The following MTAP variants were observed in gnomAD, a reference collection of about 807,000 sequenced individuals.
The protein encoded by MTAP is methylthioadenosine phosphorylase.
A neutral mutation model predicts 33.6 loss-of-function variants in MTAP; 33 were observed. That is an observed-to-expected ratio of 0.98 (90% confidence interval 0.74 to 1.31). The LOEUF is 1.31. Among genes scored for constraint, MTAP ranks in the 40% most tolerant of loss-of-function variants. The pLI is 0.00. For synonymous variants in MTAP, 148 were observed against 125.7 expected (o/e 1.18, Z -1.19); for missense variants, 367 against 360.0 (o/e 1.02, Z -0.16).
At chr9:21,906,649 A>T (rs1455464288) in intron 1 of MTAP, among the ~76,000 whole-genome samples, 4 of 152,242 alleles carry the variant, frequency 2.6e-5, no homozygotes, top group Admixed American at 2.6e-4. Flanking sequence ...AGAAACACTT[A>T]AATACTTAGA....
Position 21,863,244 on chromosome 9 carries a change from G to A in MTAP, c.*1230G>A. 9.2e-6 allele frequency: 9 copies of A among 973,582 alleles called. No homozygotes were observed. Among genetic ancestry groups the A allele is most frequent in the Non-Finnish European group, 1.1e-5 (9 of 819,222 alleles). 60.3% of individuals were successfully genotyped at this position (973,582 alleles called of 1,614,324 possible). ...TGAGTTAAATTATTTTATACGAGTTGGTAATTTTTGCTTTTTAATAAAGTG... is the reference window on the plus strand; with the variant it reads ...TGAGTTAAATTATTTTATACGAGTTAGTAATTTTTGCTTTTTAATAAAGTG... On this transcript the variant is annotated 3_prime_UTR_variant, in exon 8 of 8. Transcript: ENST00000644715.
At chr9:21,925,832 T>A (rs1274159573) in intron 1 of MTAP, among the ~76,000 whole-genome samples, 1 of 152,334 alleles carries the variant, frequency 6.6e-6, no homozygotes, top group Non-Finnish European at 1.5e-5. Flanking sequence ...GGTAGGACTA[T>A]AAGTTTTCTT....
At chr9:21,926,456 G>C (rs531087423) in intron 1 of MTAP, among the ~76,000 whole-genome samples, 75 of 152,174 alleles carry the variant, frequency 4.9e-4, no homozygotes, top group Non-Finnish European at 9.3e-4. Context: ...TCTAGGAGAA[G>C]TACCCCCAGA....
chr9:21,865,321 G>T lies in MTAP; in HGVS notation c.*3307G>T, dbSNP rs41270139. 3.6e-3 allele frequency: 2,107 copies of T among 592,866 alleles called. 8 individuals carry two copies. The highest frequency in any genetic ancestry group is 4.2e-3 in the Admixed American group (66 of 15,818). The allele number at this position is 592,866 out of a possible 1,614,324, so 36.7% of individuals were successfully genotyped here. A position where few individuals can be genotyped will look rare whatever the true frequency, so the allele number is the denominator to read the frequency against. On this transcript the variant is annotated 3_prime_UTR_variant, in exon 8 of 8. Coordinates refer to ENST00000644715, the MANE Select transcript of MTAP (RefSeq NM_002451.4). The stretch of plus-strand genomic sequence containing the variant: ...ACGTGTTTGTTTCCCCTTCTGCCAC[G>T]ATTGTAAGTTTCCTGAGGCCTTCCC...
intron 1 of MTAP, among the ~76,000 whole-genome samples, chr9:21,905,980 G>A (rs1818471026): frequency 6.6e-6 from 1 of 152,152 alleles, no homozygotes; most frequent in Non-Finnish European, 1.5e-5. Context: ...CATGGTATGA[G>A]TACCTTCAAG....
At chr9:21,861,882 T>G in intron 7 of MTAP, 94 bp from the exon 8 acceptor site, 1 of 851,902 alleles carries the variant, frequency 1.2e-6, no homozygotes, top group Non-Finnish European at 2.0e-6. Context: ...GTCCTCACTT[T>G]GATCTAGAAA....
intron 1 of MTAP, among the ~76,000 whole-genome samples, chr9:21,807,691 G>A (rs1468753742): frequency 1.3e-5 from 2 of 152,158 alleles, no homozygotes; most frequent in African/African-American, 4.8e-5. Flanking sequence ...GCTGAAGAGA[G>A]GTAGGAGCAG....
intron 1 of MTAP, among the ~76,000 whole-genome samples, chr9:21,923,864 A>G (rs548077365): frequency 6.6e-6 from 1 of 152,198 alleles, no homozygotes; most frequent in Non-Finnish European, 1.5e-5. Flanking sequence ...AAGAGTCACT[A>G]TAAGATCATG....
intron 1 of MTAP, among the ~76,000 whole-genome samples, chr9:21,917,875 T>A (rs1213659652): frequency 1.3e-5 from 2 of 152,162 alleles, no homozygotes; most frequent in Admixed American, 6.5e-5. Context: ...AAAAATATGG[T>A]ATATATGTAT....
chr9:21,807,930 T>C (rs1824248470), intron 1 of MTAP, among the ~76,000 whole-genome samples: 1 of 152,242 alleles, frequency 6.6e-6, no homozygotes, highest in African/African-American at 2.4e-5. Context: ...AATGTTTGTA[T>C]GCAGTGGATT....
rs551764927 is a variant in MTAP, at chr9:21,846,777, A to G, written c.451-7854A>G. On this transcript the variant is annotated intron_variant, in intron 5 of 7. Coordinates refer to ENST00000644715, the MANE Select transcript of MTAP (RefSeq NM_002451.4). Reference sequence around the variant, plus strand: ...GTCATTATATGAAAAAGACACTTGCACATGCATGTTTATAGCAGCACAACT... The same window carrying G: ...GTCATTATATGAAAAAGACACTTGCGCATGCATGTTTATAGCAGCACAACT... Among the ~76,000 whole-genome samples, 6 of 152,342 alleles carry G rather than the reference A, an allele frequency of 3.9e-5. No homozygotes were observed. The East Asian group carries it at 1.2e-3, about 29-fold the overall frequency.
chr9:21,933,468 G>T (rs1334574012), downstream of MTAP: 1 of 152,160 alleles, frequency 6.6e-6, no homozygotes, highest in Non-Finnish European at 1.5e-5. Flanking sequence ...CTGCCATTAA[G>T]ATCTACATTT....
At chr9:21,883,063 A>G (rs1818041302) in intron 1 of MTAP, among the ~76,000 whole-genome samples, 1 of 151,956 alleles carries the variant, frequency 6.6e-6, no homozygotes, top group Non-Finnish European at 1.5e-5. Flanking sequence ...AGTAGAAAAC[A>G]AGGAGGATAC....
rs138309934 is a variant in MTAP, at chr9:21,841,119, C to T, written c.450+3109C>T. 3.7e-3 allele frequency among the ~76,000 whole-genome samples: 563 copies of T among 152,274 alleles called. 6 individuals are homozygous for T. Among genetic ancestry groups the T allele is most frequent in the African/African-American group, 0.013 (538 of 41,550 alleles). ...AGCCCTGCCCAAGAAGAGTCTGAGC[C>T]CAGAACCACCTAACCCTGCCCCAAC... On this transcript the variant is annotated intron_variant, in intron 5 of 7. Transcript: ENST00000644715.
chr9:21,815,400 T>A, intron 1 of MTAP, 33 bp from the exon 2 acceptor site: 1 of 1,404,048 alleles, frequency 7.1e-7, no homozygotes, highest in East Asian at 2.3e-5. Context: ...AATTACCAAA[T>A]ACAATAATCT....
intron 1 of MTAP, among the ~76,000 whole-genome samples, chr9:21,890,475 T>A (rs367715266): frequency 5.3e-5 from 8 of 152,178 alleles, no homozygotes; most frequent in African/African-American, 1.9e-4. Context: ...CCAGGAAAGT[T>A]CATGATTGGT....
chr9:21,819,368 C>G (rs1824571530), intron 4 of MTAP, among the ~76,000 whole-genome samples: 1 of 152,140 alleles, frequency 6.6e-6, no homozygotes, highest in Non-Finnish European at 1.5e-5. Flanking sequence ...TCAGTTCCCA[C>G]CTATGAGTCA....
chr9:21,856,048 T>G (rs551258247), intron 6 of MTAP: 1 of 470,702 alleles, frequency 2.1e-6, no homozygotes, highest in African/African-American at 2.1e-5. Context: ...AATGATTACC[T>G]CTTGTCTCTT....
At chr9:21,883,020 A>T (rs1023594576) in intron 1 of MTAP, among the ~76,000 whole-genome samples, 2 of 151,950 alleles carry the variant, frequency 1.3e-5, no homozygotes, top group African/African-American at 4.8e-5. Flanking sequence ...GAAGTGATTA[A>T]AAAAGAAAAG....
Sources: allele counts gnomAD v4.1 joint callset (sites outside exome capture counted in the v4.1 genomes callset), GRCh38; gene constraint gnomAD v4.1.1; transcripts MANE v1.5; gene names NCBI Gene and HGNC (gene_info 2026-07-23, HGNC 2026-07-21).